Variants in TASP1 observed in about 807,000 individuals in gnomAD.
The protein encoded by TASP1 is threonine aspartase 1.
A neutral mutation model predicts 56.6 loss-of-function variants in TASP1; 16 were observed. That is an observed-to-expected ratio of 0.28 (90% CI 0.19 to 0.43). The LOEUF (loss-of-function observed/expected upper bound fraction) is 0.43, where lower values mean the gene tolerates loss of function less well. TASP1 is among the 20% of genes least tolerant of loss of function. The pLI is 1.00. For missense variants in TASP1, 393 were observed against 511.6 expected (o/e 0.77, Z 2.24); for synonymous variants, 179 against 184.2 (o/e 0.97, Z 0.23).
the TASP1 span, among the ~76,000 whole-genome samples, chr20:13,137,282 A>C: frequency 6.6e-6 from 1 of 152,272 alleles, no homozygotes; most frequent in South Asian, 2.1e-4. Flanking sequence ...TCTGTGGGGA[A>C]GTTGTTGCCT....
chr20:13,456,056 A>C (rs2043821473), intron 11 of TASP1, among the ~76,000 whole-genome samples: 1 of 152,148 alleles, frequency 6.6e-6, no homozygotes. Context: ...AAAGAACTAT[A>C]ACAGCAGATG....
At chr20:13,151,623 A>C in the TASP1 span, among the ~76,000 whole-genome samples, 2 of 152,230 alleles carry the variant, frequency 1.3e-5, no homozygotes, top group African/African-American at 4.8e-5. Flanking sequence ...GTTCCACTCA[A>C]CTAAATCTCC....
At chr20:13,303,469 C>T in the TASP1 span, among the ~76,000 whole-genome samples, 1 of 152,208 alleles carries the variant, frequency 6.6e-6, no homozygotes, top group East Asian at 1.9e-4. Context: ...GTCTGCTTTT[C>T]CCACCACACA....
intron 11 of TASP1, among the ~76,000 whole-genome samples, chr20:13,455,569 G>A (rs561548678): frequency 1.3e-5 from 2 of 152,138 alleles, no homozygotes; most frequent in South Asian, 4.2e-4. Flanking sequence ...AGTTCATGGG[G>A]ACAATGCCCC....
At chr20:13,143,953 T>C in the TASP1 span, among the ~76,000 whole-genome samples, 32,949 of 152,170 alleles carry the variant, frequency 0.22, 3,705 homozygotes, top group African/African-American at 0.28. Context: ...TCCCTCATCC[T>C]GATCCATGCA....
At chr20:13,122,102 G>A in the TASP1 span, among the ~76,000 whole-genome samples, 3 of 152,134 alleles carry the variant, frequency 2.0e-5, no homozygotes, top group Admixed American at 6.5e-5. Flanking sequence ...ATGCTTTGAG[G>A]CCCCTGGCCA....
chr20:13,309,391 C>G, the TASP1 span, among the ~76,000 whole-genome samples: 1 of 151,972 alleles, frequency 6.6e-6, no homozygotes, highest in Non-Finnish European at 1.5e-5. Flanking sequence ...AATAAAAACT[C>G]TCAATGAATT....
chr20:13,221,701 T>C, the TASP1 span: 12 of 1,253,524 alleles, frequency 9.6e-6, no homozygotes, highest in Middle Eastern at 3.0e-4. Context: ...CCCGGGCTCC[T>C]ACTCCTCCTC....
chr20:13,442,692 C>T (rs1336970669), intron 11 of TASP1, among the ~76,000 whole-genome samples: 1 of 151,782 alleles, frequency 6.6e-6, no homozygotes, highest in African/African-American at 2.4e-5. Flanking sequence ...GAGAGAATGG[C>T]ACTTTTACAT....
At chr20:13,454,463 CTTAGTATA>C (rs941094996) in intron 11 of TASP1, among the ~76,000 whole-genome samples, 7 of 152,218 alleles carry the variant, frequency 4.6e-5, no homozygotes, top group Admixed American at 3.3e-4. Flanking sequence ...CACCACAGTA[CTTAGTATA>C]TGCCATAGCA....
At position 13,442,293 on chromosome 20, in the gene TASP1, GACAC is replaced by G. The variant is rs35295009; in HGVS notation, c.986-7143_986-7140del. ...ACACAGACACACAGACACAGACACA[GACAC>G]ACACACACACACACACACCACACAC... On this transcript the variant is annotated intron_variant, in intron 11 of 13. Coordinates refer to ENST00000337743, the MANE Select transcript of TASP1 (RefSeq NM_017714.3). Among the ~76,000 whole-genome samples the G allele has an allele frequency of 1.1e-3, 161 of 147,844 alleles. 1 individual carries two copies. The East Asian group carries it at 0.012, about 11-fold the overall frequency.
intron 4 of TASP1, among the ~76,000 whole-genome samples, chr20:13,622,845 A>G (rs2048762232): frequency 6.6e-6 from 1 of 152,196 alleles, no homozygotes; most frequent in South Asian, 2.1e-4. Flanking sequence ...TGAAGACCTC[A>G]ATATCCCCTG....
intron 8 of TASP1, 116 bp downstream of exon 8, chr20:13,558,892 T>C (rs962965064): frequency 3.7e-6 from 2 of 536,262 alleles, no homozygotes; most frequent in South Asian, 1.1e-4. Context: ...AACTTTAAAG[T>C]ACATATGTGA....
At chr20:13,449,128 G>T (rs1299351719) in intron 11 of TASP1, among the ~76,000 whole-genome samples, 5 of 151,962 alleles carry the variant, frequency 3.3e-5, no homozygotes, top group Non-Finnish European at 7.4e-5. Flanking sequence ...CTACACTATA[G>T]TCCAAAGGCA....
the TASP1 span, among the ~76,000 whole-genome samples, chr20:13,366,921 T>C: frequency 6.6e-6 from 1 of 152,020 alleles, no homozygotes; most frequent in African/African-American, 2.4e-5. Context: ...GGTCAGGAAT[T>C]AAAAACTTTG....
chr20:13,200,116 A>G, the TASP1 span, among the ~76,000 whole-genome samples: 3 of 152,378 alleles, frequency 2.0e-5, no homozygotes, highest in African/African-American at 7.2e-5. Context: ...TACTATGGCT[A>G]CTGCATTGAC....
the TASP1 span, among the ~76,000 whole-genome samples, chr20:13,277,780 AGAG>A: frequency 6.6e-6 from 1 of 152,114 alleles, no homozygotes; most frequent in Non-Finnish European, 1.5e-5. Flanking sequence ...GTCCCGTGAC[AGAG>A]GAGAAGGGTG....
the TASP1 span, among the ~76,000 whole-genome samples, chr20:13,366,841 A>G: frequency 1.3e-5 from 2 of 151,818 alleles, no homozygotes; most frequent in African/African-American, 4.8e-5. Flanking sequence ...TTCTCTTGGT[A>G]CCAAGAGGGT....
the TASP1 span, among the ~76,000 whole-genome samples, chr20:13,379,527 C>G: frequency 6.6e-6 from 1 of 152,006 alleles, no homozygotes; most frequent in African/African-American, 2.4e-5. Flanking sequence ...TCATTTCAAC[C>G]TTGGTAAATC....
Sources: gnomAD v4.1 joint callset for allele counts (sites outside exome capture counted in the v4.1 genomes callset) on GRCh38, gnomAD v4.1.1 for gene constraint, MANE v1.5 for transcripts, NCBI Gene and HGNC (gene_info 2026-07-23, HGNC 2026-07-21) for gene names.